The following KIAA1328 variants were observed in gnomAD, a reference collection of about 807,000 sequenced individuals.
The protein encoded by KIAA1328 is KIAA1328, also known as protein hinderin.
KIAA1328 carries 52 observed loss-of-function variants against 68.1 expected under a neutral mutation model. That is an observed-to-expected ratio of 0.76 (90% confidence interval 0.61 to 0.96). The LOEUF is 0.96. Ranked by LOEUF, KIAA1328 falls within the 40% of genes least tolerant of loss-of-function variation. The pLI is 0.00. For missense variants in KIAA1328, 641 were observed against 677.6 expected (o/e 0.95, Z 0.60); for synonymous variants, 232 against 239.4 (o/e 0.97, Z 0.28).
chr18:37,057,637 G>A (rs977513894), intron 6 of KIAA1328, among the ~76,000 whole-genome samples: 5 of 150,748 alleles, frequency 3.3e-5, no homozygotes, highest in Admixed American at 6.6e-5. Flanking sequence ...GGGTTTCACC[G>A]TGTTAGCCAG....
intron 5 of KIAA1328, among the ~76,000 whole-genome samples, chr18:36,892,077 A>G (rs575243649): frequency 6.6e-6 from 1 of 152,294 alleles, no homozygotes; most frequent in Admixed American, 6.5e-5. Context: ...ATTTAACTAT[A>G]TATCTCATCC....
At chr18:37,095,988 G>C (rs1477433198) in intron 7 of KIAA1328, among the ~76,000 whole-genome samples, 1 of 152,036 alleles carries the variant, frequency 6.6e-6, no homozygotes, top group Non-Finnish European at 1.5e-5. Flanking sequence ...GATTGAACCA[G>C]TAATAAAAAG....
At chr18:37,098,535 C>CT (rs997250525) in intron 7 of KIAA1328, among the ~76,000 whole-genome samples, 2 of 152,020 alleles carry the variant, frequency 1.3e-5, no homozygotes, top group African/African-American at 2.4e-5. Context: ...CTAAAATTCT[C>CT]TTTTTTTGTT....
At chr18:37,115,813 A>T (rs1330892034) in intron 7 of KIAA1328, among the ~76,000 whole-genome samples, 1 of 152,254 alleles carries the variant, frequency 6.6e-6, no homozygotes, top group African/African-American at 2.4e-5. Context: ...AATTTCAGCA[A>T]AGTCTCAGTA....
chr18:36,931,491 C>T (rs62083212), intron 5 of KIAA1328, among the ~76,000 whole-genome samples: 5,811 of 152,088 alleles, frequency 0.038, 166 homozygotes, highest in Non-Finnish European at 0.056. Context: ...ACCATACCAC[C>T]CCACAATGTC....
chr18:37,102,323 G>A (rs2057645697), intron 7 of KIAA1328, among the ~76,000 whole-genome samples: 1 of 152,122 alleles, frequency 6.6e-6, no homozygotes, highest in Admixed American at 6.5e-5. Flanking sequence ...TTGGATGCTG[G>A]GCTTAATACC....
intron 4 of KIAA1328, among the ~76,000 whole-genome samples, chr18:36,875,040 T>C (rs1391399635): frequency 6.6e-6 from 1 of 152,236 alleles, no homozygotes; most frequent in Non-Finnish European, 1.5e-5. Context: ...ATATCTGTTT[T>C]GGTAGCAGTA....
Position 36,829,129 on chromosome 18 carries a change from T to C in KIAA1328, c.-10T>C, listed in dbSNP as rs554635719. 6.5e-7 allele frequency: 1 copy of C among 1,529,946 alleles called. No individual in the cohort carries two copies. Among genetic ancestry groups the C allele is most frequent in the Non-Finnish European group, 8.8e-7 (1 of 1,140,906 alleles). 94.8% of individuals were successfully genotyped at this position (1,529,946 alleles called of 1,614,324 possible). On this transcript the variant is annotated 5_prime_UTR_variant, in exon 1 of 10. Coordinates refer to ENST00000280020, the MANE Select transcript of KIAA1328 (RefSeq NM_020776.3). ...CCAGGCGCGACGCCCCGAGTGGCGG[T>C]TGTTTCAAGATGGCGGACGTGGCGG...
chr18:36,975,418 G>A (rs992854046), intron 6 of KIAA1328, among the ~76,000 whole-genome samples: 65 of 152,072 alleles, frequency 4.3e-4, no homozygotes, highest in Middle Eastern at 3.4e-3. Context: ...TCCTGACCTC[G>A]TGATCCGCCC....
intron 6 of KIAA1328, among the ~76,000 whole-genome samples, chr18:37,031,589 A>C (rs1433440000): frequency 6.6e-6 from 1 of 152,090 alleles, no homozygotes; most frequent in Non-Finnish European, 1.5e-5. Context: ...TAGATAGTGC[A>C]TAGTTTGCTT....
chr18:37,086,353 A>T (rs1004535804), intron 7 of KIAA1328, among the ~76,000 whole-genome samples: 11 of 152,254 alleles, frequency 7.2e-5, no homozygotes, highest in African/African-American at 2.7e-4. Context: ...ATAAATATAT[A>T]CAGTGTTTAC....
chr18:37,070,785 C>T (rs1359444699), intron 7 of KIAA1328, among the ~76,000 whole-genome samples: 1 of 151,946 alleles, frequency 6.6e-6, no homozygotes, highest in Non-Finnish European at 1.5e-5. Flanking sequence ...ACCATGTTGG[C>T]CAGGCTGGTC....
chr18:36,963,091 A>G (rs765338360), intron 6 of KIAA1328, among the ~76,000 whole-genome samples: 1 of 152,218 alleles, frequency 6.6e-6, no homozygotes, highest in Non-Finnish European at 1.5e-5. Flanking sequence ...GTTTGTTTGT[A>G]TTTTGATCTG....
chr18:37,051,428 A>G (rs540960639), intron 6 of KIAA1328, among the ~76,000 whole-genome samples: 5 of 152,302 alleles, frequency 3.3e-5, no homozygotes, highest in African/African-American at 9.6e-5. Context: ...GAACATCTCT[A>G]TACATACAAA....
intron 5 of KIAA1328, among the ~76,000 whole-genome samples, chr18:36,953,565 G>A (rs1352708634): frequency 2.6e-5 from 4 of 151,442 alleles, no homozygotes; most frequent in Admixed American, 6.6e-5. Context: ...TGAGTGTCAC[G>A]GGAAATGCCA....
In KIAA1328 at chr18:37,222,908, T is replaced by TGG. The variant is rs2060589487; in HGVS notation, c.*681_*682insGG. 2 of 986,010 alleles carry TGG rather than the reference T, an allele frequency of 2.0e-6. No homozygotes were observed. Among genetic ancestry groups the TGG allele is most frequent in the African/African-American group, 3.5e-5 (2 of 57,134 alleles). 61.1% of individuals were successfully genotyped at this position (986,010 alleles called of 1,614,324 possible). A position where few individuals can be genotyped will look rare whatever the true frequency, so the allele number is the denominator to read the frequency against. On this transcript the variant is annotated 3_prime_UTR_variant, in exon 10 of 10. Transcript: ENST00000280020. ...AGCACTAAATCACATCAGGGAGTGA[T>TGG]TAGTCCTGGGGAAATTCAGTGGAGG...
At chr18:36,858,435 T>A (rs1333119403) in intron 4 of KIAA1328, among the ~76,000 whole-genome samples, 1 of 152,192 alleles carries the variant, frequency 6.6e-6, no homozygotes, top group Non-Finnish European at 1.5e-5. Context: ...CCCATTTAGC[T>A]TTCATTCAGC....
chr18:37,185,050 C>T (rs1251222252), intron 9 of KIAA1328, among the ~76,000 whole-genome samples: 1 of 151,816 alleles, frequency 6.6e-6, no homozygotes, highest in African/African-American at 2.4e-5. Context: ...CCTGTAGTCT[C>T]AGCTACTTGG....
chr18:37,200,240 T>A (rs953692313), intron 9 of KIAA1328, among the ~76,000 whole-genome samples: 2 of 152,240 alleles, frequency 1.3e-5, no homozygotes, highest in Middle Eastern at 6.8e-3. Flanking sequence ...TACCAGAAGG[T>A]TTTTAAAGGC....
Sources: allele counts gnomAD v4.1 joint callset (sites outside exome capture counted in the v4.1 genomes callset), GRCh38; gene constraint gnomAD v4.1.1; transcripts MANE v1.5; gene names NCBI Gene and HGNC (gene_info 2026-07-23, HGNC 2026-07-21).